The following C8orf76 variants were observed in gnomAD, a reference collection of about 807,000 sequenced individuals.
C8orf76 encodes chromosome 8 open reading frame 76, also known as uncharacterized protein C8orf76.
Under a neutral mutation model 38.1 loss-of-function variants are expected in C8orf76, and 46 were observed. The ratio of observed to expected loss-of-function variants is 1.21; its 90% CI spans 0.95 to 1.54. C8orf76 has a LOEUF of 1.54. Ranked by LOEUF, C8orf76 falls within the 40% of genes most tolerant of loss-of-function variation. C8orf76 has a pLI of 0.00. For synonymous variants in C8orf76, 166 were observed against 167.5 expected, an observed-to-expected ratio of 0.99 and a Z score of 0.07; for missense variants, 461 against 441.6, an observed-to-expected ratio of 1.04 and a Z score of -0.39.
chr8:123,235,558 A>C (rs1227015219), intron 3 of C8orf76, among the ~76,000 whole-genome samples: 1 of 152,214 alleles, frequency 6.6e-6, no homozygotes, highest in Non-Finnish European at 1.5e-5. Flanking sequence ...AAGCCGACAG[A>C]AAGGGGCGAA....
At chr8:123,223,904 T>C (rs953416733) in intron 5 of C8orf76, among the ~76,000 whole-genome samples, 1 of 152,102 alleles carries the variant, frequency 6.6e-6, no homozygotes, top group Non-Finnish European at 1.5e-5. Context: ...CTAGAATAGA[T>C]AAATTCACAG....
At chr8:123,238,410 A>T (rs886735738) in intron 2 of C8orf76, among the ~76,000 whole-genome samples, 2 of 150,828 alleles carry the variant, frequency 1.3e-5, no homozygotes, top group South Asian at 2.1e-4. Context: ...TTTTTTTTTT[A>T]AATAAATTAT....
chr8:123,232,419 G>T (rs548471904), intron 3 of C8orf76, among the ~76,000 whole-genome samples: 4 of 152,302 alleles, frequency 2.6e-5, no homozygotes, highest in African/African-American at 9.6e-5. Context: ...AACATCTCTT[G>T]CCTAACTTGC....
At position 123,235,690 on chromosome 8, in the gene C8orf76, GC is replaced by G. The variant is rs542095538; in HGVS notation, c.357+2107del. 3.0e-4 allele frequency among the ~76,000 whole-genome samples: 45 copies of G among 152,280 alleles called. 1 individual carries two copies. The highest frequency in any genetic ancestry group is 1.0e-3 in the African/African-American group (42 of 41,550). On this transcript the variant is annotated intron_variant, in intron 3 of 5. Transcript: ENST00000276704. The stretch of plus-strand genomic sequence containing the variant: ...TTCTCCTGCCTAGTAACCATCCCCA[GC>G]ACCGGAGACCTGGCATCGGCTGATT...
chr8:123,234,582 A>G (rs1181512087), intron 3 of C8orf76, among the ~76,000 whole-genome samples: 1 of 152,106 alleles, frequency 6.6e-6, no homozygotes, highest in African/African-American at 2.4e-5. Context: ...CAGACTGGAC[A>G]ACATGATGAA....
intron 3 of C8orf76, chr8:123,237,014 ATCCAGAAGGAG>A: frequency 6.6e-7 from 1 of 1,504,678 alleles, no homozygotes; most frequent in Non-Finnish European, 9.2e-7. Flanking sequence ...AGACTACAAC[ATCCAGAAGGAG>A]TCCACCCTGC....
intron 2 of C8orf76, chr8:123,238,604 G>A: frequency 6.3e-6 from 1 of 157,750 alleles, no homozygotes; most frequent in South Asian, 1.9e-4. Context: ...TTCTGGTATT[G>A]CCACTAACTT....
At chr8:123,226,422 C>T (rs1292464386) in intron 5 of C8orf76, 78 bp downstream of exon 5, 2 of 1,574,964 alleles carry the variant, frequency 1.3e-6, no homozygotes, top group African/African-American at 1.4e-5. Flanking sequence ...TTTGGCCCTG[C>T]TTTATAAAAA....
chr8:123,221,959 T>C (rs940924891), intron 5 of C8orf76, among the ~76,000 whole-genome samples: 4 of 152,078 alleles, frequency 2.6e-5, no homozygotes, highest in South Asian at 2.1e-4. Flanking sequence ...TGAGGCTCTA[T>C]GTGATAGTGT....
At chr8:123,227,263 T>C (rs1825081172) in intron 4 of C8orf76, among the ~76,000 whole-genome samples, 1 of 152,040 alleles carries the variant, frequency 6.6e-6, no homozygotes, top group Non-Finnish European at 1.5e-5. Context: ...CTCCTTTTTT[T>C]TTTTTTTTTT....
intron 1 of C8orf76, 27 bp from the exon 2 acceptor site, chr8:123,239,171 C>T: frequency 3.7e-6 from 6 of 1,607,484 alleles, no homozygotes; most frequent in Non-Finnish European, 5.1e-6. Flanking sequence ...TAGCCTATTA[C>T]AGAGTGAGCT....
At chr8:123,235,916 C>A (rs1269330615) in intron 3 of C8orf76, among the ~76,000 whole-genome samples, 1 of 152,128 alleles carries the variant, frequency 6.6e-6, no homozygotes, top group Non-Finnish European at 1.5e-5. Context: ...CCGGAAGGGC[C>A]AAGAGCACTG....
At chr8:123,237,711 G>T (rs951134920) in intron 3 of C8orf76, 87 bp downstream of exon 3, 102 of 1,462,380 alleles carry the variant, frequency 7.0e-5, no homozygotes, top group Non-Finnish European at 5.4e-5. Flanking sequence ...TTTGCTACTA[G>T]CAAGAAGTTT....
At chr8:123,235,301 C>T (rs769487129) in intron 3 of C8orf76, among the ~76,000 whole-genome samples, 55 of 151,972 alleles carry the variant, frequency 3.6e-4, no homozygotes, top group African/African-American at 1.1e-3. Context: ...AGAAAATGTT[C>T]GAATCTTGAT....
At chr8:123,224,166 A>C (rs2131132332) in intron 5 of C8orf76, among the ~76,000 whole-genome samples, 1 of 152,334 alleles carries the variant, frequency 6.6e-6, no homozygotes, top group Non-Finnish European at 1.5e-5. Context: ...ATAGAATAAA[A>C]AAGACATGAG....
intron 2 of C8orf76, chr8:123,238,756 A>C (rs1825583675): frequency 4.3e-6 from 1 of 232,576 alleles, no homozygotes; most frequent in Non-Finnish European, 8.4e-6. Context: ...TGGCACTGTG[A>C]AATGTCTGTG....
At chr8:123,229,455 T>C (rs545907451) in intron 4 of C8orf76, among the ~76,000 whole-genome samples, 1 of 152,202 alleles carries the variant, frequency 6.6e-6, no homozygotes, top group South Asian at 2.1e-4. Context: ...AGAGGCATCA[T>C]CCCCTCTGTA....
At chr8:123,239,003 C>T (rs1461175335) in intron 2 of C8orf76, 46 bp downstream of exon 2, 1 of 1,582,378 alleles carries the variant, frequency 6.3e-7, no homozygotes, top group South Asian at 1.1e-5. Flanking sequence ...TATGCCATAA[C>T]TGATAAAACA....
intron 1 of C8orf76, 72 bp downstream of exon 1, chr8:123,241,158 G>A (rs548447201): frequency 3.5e-6 from 5 of 1,435,768 alleles, no homozygotes; most frequent in Admixed American, 2.7e-5. Context: ...GAGGGGCCGA[G>A]GCCGGGGCCG....
Sources: allele counts gnomAD v4.1 joint callset (sites outside exome capture counted in the v4.1 genomes callset), GRCh38; gene constraint gnomAD v4.1.1; transcripts MANE v1.5; gene names NCBI Gene and HGNC (gene_info 2026-07-23, HGNC 2026-07-21).